The following ZNF793 variants were observed in gnomAD, a reference collection of about 807,000 sequenced individuals.
ZNF793 encodes zinc finger protein 793.
ZNF793 carries 5 observed loss-of-function variants against 12.4 expected under a neutral mutation model. The ratio of observed to expected loss-of-function variants is 0.40; its 90% CI spans 0.21 to 0.84. The LOEUF (loss-of-function observed/expected upper bound fraction) is 0.84, where lower values mean the gene tolerates loss of function less well. ZNF793 is among the 40% of genes least tolerant of loss of function. The probability of loss-of-function intolerance (pLI) is 0.35; values close to 1 mark genes in which losing one functional copy is unlikely to be tolerated. For synonymous variants in ZNF793, 162 were observed against 172.4 expected (o/e 0.94, Z 0.47); for missense variants, 456 against 495.0 (o/e 0.92, Z 0.75).
chr19:37,534,086 T>A (rs1425980171), intron 7 of ZNF793: 2 of 152,398 alleles, frequency 1.3e-5, no homozygotes, highest in African/African-American at 2.4e-5. Context: ...GGTTATCAGT[T>A]GCCCTCCTCT....
intron 1 of ZNF793, 170 bp downstream of exon 1, chr19:37,507,136 A>G (rs933616608): frequency 6.6e-6 from 1 of 152,534 alleles, no homozygotes; most frequent in Non-Finnish European, 1.5e-5. Context: ...GTCAATGACA[A>G]GGGAACTGAA....
In ZNF793 at chr19:37,542,929, G is replaced by A. The variant is rs535168844; in HGVS notation, c.*5050G>A. 3 of 152,290 alleles carry A rather than the reference G, an allele frequency of 2.0e-5. No individual in the cohort carries two copies. Among genetic ancestry groups the A allele is most frequent in the African/African-American group, 4.8e-5 (2 of 41,568 alleles). 9.4% of individuals were successfully genotyped at this position (152,290 alleles called of 1,614,324 possible). A position where few individuals can be genotyped will look rare whatever the true frequency, so the allele number is the denominator to read the frequency against. ...GGTAGGTTATGGGGGAGTCAGGGGT[G>A]TAGGGAAAAGGAAAACCAAAAAAGA... On this transcript the variant is annotated 3_prime_UTR_variant, in exon 8 of 8. Coordinates refer to ENST00000627814, the MANE Select transcript of ZNF793 (RefSeq NM_001013659.3).
intron 5 of ZNF793, 71 bp from the exon 6 acceptor site, chr19:37,532,285 T>C: frequency 3.9e-6 from 6 of 1,544,828 alleles, no homozygotes; most frequent in Non-Finnish European, 5.3e-6. Flanking sequence ...ATTATAGGCA[T>C]GAGCCACCAT....
chr19:37,523,231 C>T (rs1374813252), intron 4 of ZNF793, among the ~76,000 whole-genome samples, 179 bp from the exon 5 acceptor site: 1 of 152,042 alleles, frequency 6.6e-6, no homozygotes, highest in Non-Finnish European at 1.5e-5. Context: ...GCCATATTGC[C>T]CAGGCTGGTC....
rs1292342197 is a variant in ZNF793, at chr19:37,516,857, G to T, written c.-275-3327G>T. Among the ~76,000 whole-genome samples the T allele has an allele frequency of 2.6e-5, 4 of 152,148 alleles. No homozygotes were observed. The East Asian group carries it at 5.8e-4, about 22-fold the overall frequency. On this transcript the variant is annotated intron_variant, in intron 2 of 7. Coordinates refer to ENST00000627814, the MANE Select transcript of ZNF793 (RefSeq NM_001013659.3). ...GATGGGGTTTCACCATGTTGGCCAG[G>T]CAGGTCTTGAACTCCTGGCCTCAAG...
rs1568327945 is a variant in ZNF793 at position 37,537,923 on chromosome 19, T to G, written c.*44T>G. The G allele has an allele frequency of 1.4e-6, 2 of 1,464,724 alleles. No individual in the cohort carries two copies. The highest frequency in any genetic ancestry group is 1.8e-6 in the Non-Finnish European group (2 of 1,110,022). 90.7% of individuals were successfully genotyped at this position (1,464,724 alleles called of 1,614,324 possible). A position where few individuals can be genotyped will look rare whatever the true frequency, so the allele number is the denominator to read the frequency against. On this transcript the variant is annotated 3_prime_UTR_variant, in exon 8 of 8. Coordinates refer to ENST00000627814, the MANE Select transcript of ZNF793 (RefSeq NM_001013659.3). ...TGGTATGTAGGGAATTTTTTTTTTT[T>G]TTTTTTGAGTTGGAATCTCACTTTG...
chr19:37,524,185 TAATAA>T (rs1407298812), intron 5 of ZNF793, among the ~76,000 whole-genome samples: 2 of 145,372 alleles, frequency 1.4e-5, no homozygotes, highest in Non-Finnish European at 3.0e-5. Flanking sequence ...ATAATAATAA[TAATAA>T]TAATAATAAA....
chr19:37,532,993 T>G (rs1404145862), intron 6 of ZNF793, among the ~76,000 whole-genome samples: 1 of 152,182 alleles, frequency 6.6e-6, no homozygotes, highest in African/African-American at 2.4e-5. Context: ...TACCACTTTT[T>G]TACACATTTG....
chr19:37,532,074 T>G (rs948651335), intron 5 of ZNF793, among the ~76,000 whole-genome samples: 1 of 150,540 alleles, frequency 6.6e-6, no homozygotes. Flanking sequence ...AGTGTAGTGG[T>G]GCGATCTCGG....
chr19:37,528,522 G>A (rs760373590), intron 5 of ZNF793, among the ~76,000 whole-genome samples: 1 of 152,088 alleles, frequency 6.6e-6, no homozygotes, highest in African/African-American at 2.4e-5. Context: ...CAAGAGTATA[G>A]AGATTACTTT....
At chr19:37,528,289 C>A (rs1474602809) in intron 5 of ZNF793, among the ~76,000 whole-genome samples, 2 of 152,090 alleles carry the variant, frequency 1.3e-5, no homozygotes, top group African/African-American at 4.8e-5. Flanking sequence ...ACAGACGGAG[C>A]CTTGCCAACC....
At position 37,537,511 on chromosome 19, in the gene ZNF793, T is replaced by A. The variant is rs1012862478; in HGVS notation, c.853T>A (p.Cys285Ser). ...TCACACTGGGGTAAGACCCTTTGAA[T>A]GTTTTTTTTGTGGGAAAGCCTTTAC... ...RIHTGVRPFECFFCGKAFTQK... is the reference protein window; with the variant it reads ...RIHTGVRPFESFFCGKAFTQK... Residue 285 changes from cysteine to serine, a missense_variant, in exon 8 of 8, where the codon TGT becomes AGT. Transcript: ENST00000627814. The A allele has an allele frequency of 1.2e-6, 2 of 1,614,132 alleles. No homozygotes were observed. Among genetic ancestry groups the A allele is most frequent in the East Asian group, 2.2e-5 (1 of 44,880 alleles).
At chr19:37,526,607 C>T (rs974421946) in intron 5 of ZNF793, among the ~76,000 whole-genome samples, 2 of 152,228 alleles carry the variant, frequency 1.3e-5, no homozygotes, top group Non-Finnish European at 2.9e-5. Flanking sequence ...GCTTGGCACC[C>T]CCTGTGCGCT....
At position 37,537,304 on chromosome 19, in the gene ZNF793, A is replaced by G. The variant is rs2042514144; in HGVS notation, c.646A>G (p.Lys216Glu). The G allele has an allele frequency of 6.2e-7, 1 of 1,613,690 alleles. No individual in the cohort carries two copies. The highest frequency in any genetic ancestry group is 8.5e-7 in the Non-Finnish European group (1 of 1,179,864). ...AGCAGTAAGTGATTCTCTCTTGTAC[A>G]AACGGAAGAGGGTTCCACCTACAGA... The part of the protein sequence containing the change: ...KPAVSDSLLY[K>E]RKRVPPTEKP... Residue 216 changes from lysine (K) to glutamate (E), a missense_variant, in exon 8 of 8, where the codon AAA becomes GAA. Physicochemically the swap from Lys to Glu is moderately conservative, Grantham distance 56. Coordinates refer to ENST00000627814, the MANE Select transcript of ZNF793 (RefSeq NM_001013659.3).
chr19:37,540,317 A>G lies in ZNF793; in HGVS notation c.*2438A>G, dbSNP rs1373021781. ...TCAGACCAGTCTTACTCATGAATAT[A>G]GAAACAAAAATTATAGTTAAAATAC... is the stretch of plus-strand genomic sequence containing the variant. On this transcript the variant is annotated 3_prime_UTR_variant, in exon 8 of 8. Transcript: ENST00000627814. 6.6e-6 allele frequency: 1 copy of G among 151,500 alleles called. No individual in the cohort carries two copies. The highest frequency in any genetic ancestry group is 1.5e-5 in the Non-Finnish European group (1 of 67,850). 9.4% of individuals were successfully genotyped at this position (151,500 alleles called of 1,614,324 possible). A position where few individuals can be genotyped will look rare whatever the true frequency, so the allele number is the denominator to read the frequency against.
intron 7 of ZNF793, 129 bp from the exon 8 acceptor site, chr19:37,536,768 C>G (rs1473287117): frequency 9.9e-7 from 1 of 1,005,492 alleles, no homozygotes; most frequent in Non-Finnish European, 1.4e-6. Flanking sequence ...ATAGAACACT[C>G]TTCCCTGCGT....
intron 6 of ZNF793, among the ~76,000 whole-genome samples, chr19:37,532,834 A>T (rs1179631174): frequency 6.6e-6 from 1 of 152,186 alleles, no homozygotes; most frequent in Non-Finnish European, 1.5e-5. Flanking sequence ...TAAAAAATAA[A>T]AAAAAAGCAA....
chr19:37,536,322 A>C (rs1425903473), intron 7 of ZNF793: 2 of 397,032 alleles, frequency 5.0e-6, no homozygotes, highest in Non-Finnish European at 8.9e-6. Flanking sequence ...TGAAATGCAG[A>C]GTCTGATTAA....
intron 2 of ZNF793, among the ~76,000 whole-genome samples, chr19:37,509,731 A>G (rs1469078251): frequency 6.6e-6 from 1 of 152,204 alleles, no homozygotes; most frequent in African/African-American, 2.4e-5. Flanking sequence ...GAAATTTTAC[A>G]TAAACTTTTT....
Sources: allele counts gnomAD v4.1 joint callset (sites outside exome capture counted in the v4.1 genomes callset), GRCh38; gene constraint gnomAD v4.1.1; transcripts MANE v1.5; gene names NCBI Gene and HGNC (gene_info 2026-07-23, HGNC 2026-07-21).